KIRREL3: variants seen among roughly 807,000 people sequenced by gnomAD.
The protein encoded by KIRREL3 is kirre like nephrin family adhesion molecule 3.
KIRREL3 carries 36 observed loss-of-function variants against 89.7 expected under a neutral mutation model. That is an observed-to-expected ratio of 0.40 (90% CI 0.31 to 0.53). The LOEUF (loss-of-function observed/expected upper bound fraction) is 0.53. Ranked by LOEUF, KIRREL3 falls within the 20% of genes least tolerant of loss-of-function variation. The probability of loss-of-function intolerance (pLI) is 0.49; values close to 1 mark genes in which losing one functional copy is unlikely to be tolerated. For synonymous variants in KIRREL3, 445 were observed against 441.4 expected (o/e 1.01, Z -0.10); for missense variants, 864 against 1,056.6 (o/e 0.82, Z 2.53).
At chr11:126,573,733 A>C (rs1257172185) in intron 1 of KIRREL3, among the ~76,000 whole-genome samples, 1 of 152,208 alleles carries the variant, frequency 6.6e-6, no homozygotes, top group Non-Finnish European at 1.5e-5. Flanking sequence ...AGAGAGCTAG[A>C]TGGAGGCCCT....
rs1002924928 is a variant in KIRREL3, at chr11:126,474,389, T to A, written c.434-923A>T. On this transcript the variant is annotated intron_variant, in intron 4 of 16. Coordinates refer to ENST00000525144, the MANE Select transcript of KIRREL3 (RefSeq NM_032531.4). The surrounding 1 kb of genome is among the most constrained non-coding windows in gnomAD (Gnocchi z 6.7). Reference sequence around the variant, plus strand: ...AGCAAGATTAGTGACTGGCTCAAGGTCACATGGTGGCAGAGCCAGGGCTGG... The same window carrying A: ...AGCAAGATTAGTGACTGGCTCAAGGACACATGGTGGCAGAGCCAGGGCTGG... 1.2e-4 allele frequency among the ~76,000 whole-genome samples: 18 copies of A among 152,292 alleles called. No homozygotes were observed. The highest frequency in any genetic ancestry group is 4.1e-4 in the African/African-American group (17 of 41,578).
intron 1 of KIRREL3, among the ~76,000 whole-genome samples, chr11:126,678,393 G>GAT (rs1246100337): frequency 6.6e-6 from 1 of 152,116 alleles, no homozygotes; most frequent in East Asian, 1.9e-4. Context: ...GAGGTCAGGA[G>GAT]ATTGAGACCA....
chr11:126,850,614 G>C (rs1592221763), intron 1 of KIRREL3, among the ~76,000 whole-genome samples: 2 of 152,280 alleles, frequency 1.3e-5, no homozygotes, highest in East Asian at 1.9e-4. Flanking sequence ...AACCACTAAG[G>C]GTCAAGGGGC....
chr11:126,749,383 T>C (rs1949260045), intron 1 of KIRREL3, among the ~76,000 whole-genome samples: 1 of 152,150 alleles, frequency 6.6e-6, no homozygotes, highest in South Asian at 2.1e-4. Flanking sequence ...TCTAAATTGC[T>C]CCGACTTGCG....
rs921946034 is a variant in KIRREL3, at chr11:126,525,353, G to A, written c.283+1185C>T. Among the ~76,000 whole-genome samples the A allele has an allele frequency of 1.3e-5, 2 of 152,214 alleles. No homozygotes were observed. Among genetic ancestry groups the A allele is most frequent in the Admixed American group, 6.5e-5 (1 of 15,284 alleles). On this transcript the variant is annotated intron_variant, in intron 3 of 16. Coordinates refer to ENST00000525144, the MANE Select transcript of KIRREL3 (RefSeq NM_032531.4). This position sits in a 1 kb window ranked among gnomAD's most constrained non-coding sequence, Gnocchi z 5.4. ...TTTCTCTAGGGTAAAGGCGTTCGGA[G>A]TCTCTGAAATTGGCTGGTTCCCATA... is the stretch of plus-strand genomic sequence containing the variant.
chr11:126,697,260 C>T lies in KIRREL3; in HGVS notation c.56-134348G>A, dbSNP rs748332216. 1.3e-5 allele frequency among the ~76,000 whole-genome samples: 2 copies of T among 152,208 alleles called. No individual in the cohort carries two copies. The highest frequency in any genetic ancestry group is 2.9e-5 in the Non-Finnish European group (2 of 68,046). ...GGGAGATGACAGGACTACAAGAAGG[C>T]GGGACTTCCTCTATTGCCCTAGGCC... On this transcript the variant is annotated intron_variant, in intron 1 of 16. Transcript: ENST00000525144. The surrounding 1 kb of genome is among the most constrained non-coding windows in gnomAD (Gnocchi z 4.2).
chr11:126,756,849 G>A (rs773980295), intron 1 of KIRREL3, among the ~76,000 whole-genome samples: 1 of 152,144 alleles, frequency 6.6e-6, no homozygotes, highest in Non-Finnish European at 1.5e-5. Context: ...TTCACTGGTG[G>A]GGAAAATTGG....
At chr11:126,509,434 G>A (rs1958127285) in intron 4 of KIRREL3, among the ~76,000 whole-genome samples, 1 of 152,166 alleles carries the variant, frequency 6.6e-6, no homozygotes, top group African/African-American at 2.4e-5. Context: ...TTCACGTTCT[G>A]TCCAAACTCT....
At chr11:126,794,377 T>C (rs1950738803) in intron 1 of KIRREL3, among the ~76,000 whole-genome samples, 1 of 152,174 alleles carries the variant, frequency 6.6e-6, no homozygotes, top group African/African-American at 2.4e-5. Flanking sequence ...GACATGGGCT[T>C]TTTAGGCAGA....
chr11:126,618,347 C>T (rs1943438745), intron 1 of KIRREL3, among the ~76,000 whole-genome samples: 1 of 152,194 alleles, frequency 6.6e-6, no homozygotes, highest in Non-Finnish European at 1.5e-5. Flanking sequence ...TGCGCAGAAA[C>T]CGCCATGTTT....
At chr11:126,919,766 A>G (rs956388047) in intron 1 of KIRREL3, among the ~76,000 whole-genome samples, 5 of 152,214 alleles carry the variant, frequency 3.3e-5, no homozygotes, top group Admixed American at 3.3e-4. Context: ...TGACTTTCAG[A>G]TTACATGCAA....
chr11:126,562,923 A>G lies in KIRREL3; in HGVS notation c.56-11T>C. ...TCTGGAGGCCCAGCTCTGGAAGAGA[A>G]GCATAGGTGGGTGAGTTGGGAATGG... On this transcript the variant is annotated splice_polypyrimidine_tract_variant and intron_variant, in intron 1 of 16. Transcript: ENST00000525144. This position sits in a 1 kb window ranked among gnomAD's most constrained non-coding sequence, Gnocchi z 4.7. 6.2e-7 allele frequency: 1 copy of G among 1,611,756 alleles called. No individual in the cohort carries two copies. The highest frequency in any genetic ancestry group is 1.1e-5 in the South Asian group (1 of 90,842).
chr11:126,511,076 T>TGTGTGTG (rs1555129719), intron 4 of KIRREL3, among the ~76,000 whole-genome samples: 8 of 150,002 alleles, frequency 5.3e-5, no homozygotes, highest in Non-Finnish European at 8.9e-5. Flanking sequence ...TGTGTGTGTG[T>TGTGTGTG]TGGAGCAGAA....
At chr11:126,758,062 C>T (rs984961666) in intron 1 of KIRREL3, among the ~76,000 whole-genome samples, 12 of 152,306 alleles carry the variant, frequency 7.9e-5, no homozygotes, top group African/African-American at 2.4e-4. Context: ...GAAAGACTTC[C>T]AGTGTCGCCA....
At position 126,768,304 on chromosome 11, in the gene KIRREL3, AATCTGTCC is replaced by A. The variant is rs963058139; in HGVS notation, c.56-205400_56-205393del. On this transcript the variant is annotated intron_variant, in intron 1 of 16. Coordinates refer to ENST00000525144, the MANE Select transcript of KIRREL3 (RefSeq NM_032531.4). The surrounding 1 kb of genome is among the most constrained non-coding windows in gnomAD (Gnocchi z 4.5). ...CATCCATCCATCCATCCATCCATCCAATCTGTCCATCTGTCCATCCATACTGCATCCAT... is the reference window on the plus strand; with the variant it reads ...CATCCATCCATCCATCCATCCATCCAATCTGTCCATCCATACTGCATCCAT... Among the ~76,000 whole-genome samples the A allele has an allele frequency of 1.7e-4, 26 of 151,820 alleles. No individual in the cohort carries two copies. The highest frequency in any genetic ancestry group is 1.3e-3 in the Admixed American group (20 of 15,250).
chr11:126,495,637 C>T lies in KIRREL3; in HGVS notation c.434-22171G>A, dbSNP rs1957635779. Among the ~76,000 whole-genome samples the T allele has an allele frequency of 6.6e-6, 1 of 152,158 alleles. No homozygotes were observed. Among genetic ancestry groups the T allele is most frequent in the South Asian group, 2.1e-4 (1 of 4,832 alleles). On this transcript the variant is annotated intron_variant, in intron 4 of 16. Transcript: ENST00000525144. The surrounding 1 kb of genome is among the most constrained non-coding windows in gnomAD (Gnocchi z 6.5). ...AAGCGACCCTGTTGTGTCCTCCCTG[C>T]TGTGACACCAGGTATAAGCAGAAAC...
At chr11:126,691,249 A>G (rs769096395) in intron 1 of KIRREL3, among the ~76,000 whole-genome samples, 2 of 152,178 alleles carry the variant, frequency 1.3e-5, no homozygotes, top group Non-Finnish European at 2.9e-5. Flanking sequence ...TTGATCATTC[A>G]AATGCTCCAT....
intron 1 of KIRREL3, among the ~76,000 whole-genome samples, chr11:126,889,827 AG>A (rs1945842921): frequency 6.6e-6 from 1 of 152,332 alleles, no homozygotes; most frequent in Non-Finnish European, 1.5e-5. Flanking sequence ...AAATTAAATT[AG>A]CTTTTTTTAA....
rs1344315698 is a variant in KIRREL3, at chr11:126,653,522, G to C, written c.56-90610C>G. The stretch of plus-strand genomic sequence containing the variant: ...GAAATGGTTCTGAAAGATGTAAAGA[G>C]CAATATAAACACCAGATACGGAATG... On this transcript the variant is annotated intron_variant, in intron 1 of 16. Transcript: ENST00000525144. The surrounding 1 kb of genome is among the most constrained non-coding windows in gnomAD (Gnocchi z 5.4). Among the ~76,000 whole-genome samples the C allele has an allele frequency of 2.6e-5, 4 of 152,190 alleles. No homozygotes were observed. Among genetic ancestry groups the C allele is most frequent in the Non-Finnish European group, 5.9e-5 (4 of 68,036 alleles).
Sources: allele counts gnomAD v4.1 joint callset (sites outside exome capture counted in the v4.1 genomes callset), GRCh38; gene constraint gnomAD v4.1.1; non-coding constraint Gnocchi (gnomAD v3.1); transcripts MANE v1.5; gene names NCBI Gene and HGNC (gene_info 2026-07-23, HGNC 2026-07-21).